The following HDAC9 variants were observed in gnomAD, a reference collection of about 807,000 sequenced individuals.
HDAC9 encodes the protein MEF-2 interacting transcription repressor (MITR) protein.
HDAC9 carries 41 observed loss-of-function variants against 139.4 expected under a neutral mutation model. The ratio of observed to expected loss-of-function variants is 0.29; its 90% confidence interval spans 0.23 to 0.38. The LOEUF is 0.38. Ranked by LOEUF, HDAC9 falls within the 10% of genes least tolerant of loss-of-function variation. HDAC9 has a pLI of 1.00. For missense variants in HDAC9, 1,147 were observed against 1,297.0 expected, an observed-to-expected ratio of 0.88 and a Z score of 1.78; for synonymous variants, 517 against 476.2, an observed-to-expected ratio of 1.09 and a Z score of -1.12.
chr7:18,140,052 T>A (rs1785777146), intron 1 of HDAC9, among the ~76,000 whole-genome samples: 3 of 152,188 alleles, frequency 2.0e-5, no homozygotes. Context: ...AATACAACAC[T>A]GTGGAGAAGT....
intron 2 of HDAC9, among the ~76,000 whole-genome samples, chr7:18,283,640 C>T (rs546702527): frequency 3.3e-5 from 5 of 152,200 alleles, no homozygotes; most frequent in Admixed American, 2.6e-4. Context: ...TAAAGGTTTG[C>T]ATTTCATTTT....
chr7:18,984,251 G>T (rs930798859), intron 25 of HDAC9, among the ~76,000 whole-genome samples: 3 of 152,014 alleles, frequency 2.0e-5, no homozygotes, highest in Admixed American at 2.0e-4. Context: ...CATTTTGGTA[G>T]TAAAAGACGA....
chr7:18,200,632 C>CT (rs1213231468), intron 2 of HDAC9, among the ~76,000 whole-genome samples: 10 of 152,164 alleles, frequency 6.6e-5, no homozygotes, highest in Non-Finnish European at 1.0e-4. Flanking sequence ...TGGTAGTAGA[C>CT]TAACACCATC....
intron 17 of HDAC9, among the ~76,000 whole-genome samples, chr7:18,821,591 A>G (rs904500779): frequency 1.3e-5 from 2 of 152,226 alleles, no homozygotes; most frequent in Non-Finnish European, 2.9e-5. Flanking sequence ...CACAATTAAC[A>G]TAGAACACTT....
intron 22 of HDAC9, among the ~76,000 whole-genome samples, chr7:18,934,037 C>T (rs1466597337): frequency 6.6e-6 from 1 of 151,970 alleles, no homozygotes; most frequent in Admixed American, 6.6e-5. Context: ...CAGACAATGT[C>T]CACCTACATC....
chr7:18,334,641 C>A (rs1781452544), intron 1 of HDAC9, among the ~76,000 whole-genome samples: 1 of 151,306 alleles, frequency 6.6e-6, no homozygotes, highest in Non-Finnish European at 1.5e-5. Flanking sequence ...TCCAGAAACT[C>A]CACTCAAATA....
chr7:18,591,634 C>T lies in HDAC9; in HGVS notation c.534C>T (p.Leu178=). 1 of 1,613,248 alleles carries T rather than the reference C, an allele frequency of 6.2e-7. No individual in the cohort carries two copies. The change falls in exon 5 of 26, where the codon CTC becomes CTT. Residue 178 remains leucine, a synonymous_variant. Coordinates refer to ENST00000686413, the MANE Select transcript of HDAC9 (RefSeq NM_178425.4). ...ATTCCGTGAGCCGCCATCCCAAGCT[C>T]TGGTACACGTATGTTCAGTGTTTGG... ...KNHSVSRHPK[L]WYTAAHHTSL...
At chr7:18,190,300 G>T (rs2529751) in intron 2 of HDAC9, among the ~76,000 whole-genome samples, 15,106 of 152,106 alleles carry the variant, frequency 0.099, 1,056 homozygotes, top group Middle Eastern at 0.17. Context: ...TGTATACATA[G>T]ATACATATAC....
chr7:18,490,978 T>C (rs1796321758), upstream of HDAC9, among the ~76,000 whole-genome samples: 2 of 152,030 alleles, frequency 1.3e-5, no homozygotes, highest in African/African-American at 4.8e-5. Context: ...CATTCCAGAA[T>C]CATAGGGTTT....
intron 16 of HDAC9, among the ~76,000 whole-genome samples, chr7:18,780,427 G>A (rs1039368206): frequency 2.0e-5 from 3 of 152,024 alleles, no homozygotes; most frequent in African/African-American, 7.2e-5. Context: ...AATAGTGAGT[G>A]GGGAAGCTTC....
chr7:18,745,911 A>G (rs1209463860), intron 13 of HDAC9, among the ~76,000 whole-genome samples: 1 of 89,520 alleles, frequency 1.1e-5, no homozygotes, highest in Non-Finnish European at 2.1e-5. Context: ...TTTTTTGCCC[A>G]TGCAAGTTCT....
intron 2 of HDAC9, among the ~76,000 whole-genome samples, chr7:18,279,251 G>C (rs6461375): frequency 0.4 from 60,273 of 151,928 alleles, 13,393 homozygotes; most frequent in Admixed American, 0.52. Flanking sequence ...CCCAATGTTA[G>C]TTCATCTCAC....
intron 2 of HDAC9, among the ~76,000 whole-genome samples, chr7:18,260,769 G>T (rs1477890756): frequency 6.6e-6 from 1 of 152,162 alleles, no homozygotes; most frequent in Non-Finnish European, 1.5e-5. Context: ...AGGAGATAAT[G>T]AATGTCCTGG....
intron 9 of HDAC9, among the ~76,000 whole-genome samples, 196 bp from the exon 10 acceptor site, chr7:18,647,589 T>G (rs1787838411): frequency 6.6e-6 from 1 of 152,204 alleles, no homozygotes; most frequent in African/African-American, 2.4e-5. Context: ...TTGTCTTCAG[T>G]GCTCCAACCC....
At chr7:18,498,233 C>G (rs965548190) in intron 2 of HDAC9, among the ~76,000 whole-genome samples, 2 of 152,068 alleles carry the variant, frequency 1.3e-5, no homozygotes, top group Non-Finnish European at 2.9e-5. Context: ...CATATATGTT[C>G]TTAAATTTAA....
At chr7:18,682,630 A>G (rs1471365792) in intron 12 of HDAC9, among the ~76,000 whole-genome samples, 1 of 151,956 alleles carries the variant, frequency 6.6e-6, no homozygotes, top group African/African-American at 2.4e-5. Context: ...CTTTTTTTTC[A>G]CTATTGATGT....
At chr7:18,537,723 G>C (rs1811358844) in intron 2 of HDAC9, among the ~76,000 whole-genome samples, 1 of 152,190 alleles carries the variant, frequency 6.6e-6, no homozygotes, top group African/African-American at 2.4e-5. Flanking sequence ...AGGGAATACT[G>C]GTTCATCCCA....
rs1461746739 is a variant in HDAC9, at chr7:18,153,205, C to T, written c.-96-9024C>T. Among the ~76,000 whole-genome samples the T allele has an allele frequency of 4.6e-5, 7 of 152,048 alleles. No individual in the cohort carries two copies. In the South Asian group the frequency reaches 1.5e-3, roughly 32 times the overall value. ...GAAAAGAGGGTCACAGATGTGTTAG[C>T]GGTGAAAAGAATTGGACCAAACGCA... On this transcript the variant is annotated intron_variant, in intron 1 of 12. Coordinates refer to the HDAC9 transcript ENST00000417496.
rs796461411 is a variant in HDAC9, at chr7:18,256,543, A to G, written c.25+94194A>G. Among the ~76,000 whole-genome samples, 5 of 152,316 alleles carry G rather than the reference A, an allele frequency of 3.3e-5. No homozygotes were observed. The East Asian group carries it at 5.8e-4, about 18-fold the overall frequency. On this transcript the variant is annotated intron_variant, in intron 2 of 12. Coordinates refer to the HDAC9 transcript ENST00000417496. ...CCTCTCCAACTAGTGTTTCTGTGGC[A>G]TTGCTTTAGCATAATTCATTGTCAT...
Sources: allele counts gnomAD v4.1 joint callset (sites outside exome capture counted in the v4.1 genomes callset), GRCh38; gene constraint gnomAD v4.1.1; transcripts MANE v1.5; gene names NCBI Gene and HGNC (gene_info 2026-07-23, HGNC 2026-07-21).